The following KNL1 variants were observed in gnomAD, a reference collection of about 807,000 sequenced individuals.
KNL1 encodes outer kinetochore KNL1 complex subunit KNL1.
KNL1 carries 66 observed loss-of-function variants against 201.3 expected under a neutral mutation model. The ratio of observed to expected loss-of-function variants is 0.33; its 90% confidence interval spans 0.27 to 0.40. The LOEUF is 0.40. KNL1 is among the 10% of genes least tolerant of loss of function. KNL1 has a pLI of 1.00. For missense variants in KNL1, 2,815 were observed against 2,690.5 expected, an observed-to-expected ratio of 1.05 and a Z score of -1.02; for synonymous variants, 895 against 899.2, an observed-to-expected ratio of 1.00 and a Z score of 0.08.
At chr15:40,628,844 T>G (rs1364702053) in intron 12 of KNL1, among the ~76,000 whole-genome samples, 166 bp downstream of exon 12, 1 of 152,090 alleles carries the variant, frequency 6.6e-6, no homozygotes, top group African/African-American at 2.4e-5. Context: ...ACATAACAAT[T>G]AATTAAATGG....
At position 40,622,170 on chromosome 15, in the gene KNL1, G is replaced by T; in HGVS notation, c.1906G>T (p.Asp636Tyr). 4 of 1,614,064 alleles carry T rather than the reference G, an allele frequency of 2.5e-6. No homozygotes were observed. Among genetic ancestry groups the T allele is most frequent in the Non-Finnish European group, 3.4e-6 (4 of 1,179,964 alleles). The stretch of plus-strand genomic sequence containing the variant: ...CATAATAGCCAAAAACAGCTTAACC[G>T]ACACCTGGAACAAAGACAAAGATTG... The part of the protein sequence containing the change: ...SDIIAKNSLT[D>Y]TWNKDKDWVL... Residue 636 changes from aspartate to tyrosine, a missense_variant, in exon 10 of 26, where the codon GAC becomes TAC. Transcript: ENST00000399668.
At chr15:40,611,015 T>C in intron 6 of KNL1, 1 of 313,614 alleles carries the variant, frequency 3.2e-6, no homozygotes, top group Non-Finnish European at 6.3e-6. Flanking sequence ...CTCAAAATGC[T>C]AGGATTACAG....
intron 1 of KNL1, among the ~76,000 whole-genome samples, chr15:40,599,277 C>T (rs1299727841): frequency 6.8e-6 from 1 of 146,190 alleles, no homozygotes; most frequent in Non-Finnish European, 1.5e-5. Flanking sequence ...TGCGTCACTG[C>T]ACTCCAGCCT....
chr15:40,648,032 G>T (rs1388588399), intron 17 of KNL1, among the ~76,000 whole-genome samples: 1 of 152,008 alleles, frequency 6.6e-6, no homozygotes, highest in Non-Finnish European at 1.5e-5. Flanking sequence ...CATTTTTTGA[G>T]CATATACTGC....
At chr15:40,645,226 T>C (rs1893350823) in intron 15 of KNL1, 139 bp downstream of exon 15, 1 of 545,136 alleles carries the variant, frequency 1.8e-6, no homozygotes, top group South Asian at 2.4e-5. Flanking sequence ...ACCAAGGTCT[T>C]ATTTAATTAC....
chr15:40,626,233 A>G (rs552035620), intron 10 of KNL1, among the ~76,000 whole-genome samples: 3 of 151,566 alleles, frequency 2.0e-5, no homozygotes, highest in African/African-American at 4.8e-5. Flanking sequence ...GCTCACTGCA[A>G]CCTCTGCCTT....
chr15:40,605,203 A>G (rs903812835), intron 3 of KNL1, 54 bp downstream of exon 3: 4 of 998,924 alleles, frequency 4.0e-6, no homozygotes, highest in East Asian at 2.4e-5. Flanking sequence ...AATGATAACC[A>G]TATATCACAG....
At position 40,662,208 on chromosome 15, in the gene KNL1, A is replaced by T; in HGVS notation, c.*20A>T. ...CACTAGACCCTTGGACCACCATTGG[A>T]ACAACCAAGCAGAATGTACTTGATA... On this transcript the variant is annotated 3_prime_UTR_variant, in exon 26 of 26. Coordinates refer to ENST00000399668, the MANE Select transcript of KNL1 (RefSeq NM_144508.5). 1 of 1,317,176 alleles carries T rather than the reference A, an allele frequency of 7.6e-7. No homozygotes were observed. 81.6% of individuals were successfully genotyped at this position (1,317,176 alleles called of 1,614,324 possible). A position where few individuals can be genotyped will look rare whatever the true frequency, so the allele number is the denominator to read the frequency against.
At chr15:40,627,192 G>A (rs1394287743) in intron 10 of KNL1, among the ~76,000 whole-genome samples, 1 of 152,200 alleles carries the variant, frequency 6.6e-6, no homozygotes, top group Non-Finnish European at 1.5e-5. Flanking sequence ...ACAGCGCCCA[G>A]CCCCCTTAAT....
chr15:40,624,504 A>T lies in KNL1; in HGVS notation c.4240A>T (p.Thr1414Ser). The change falls in exon 10 of 26, where the codon ACT (threonine) becomes TCT (serine). Residue 1414 changes from threonine to serine, a missense_variant. Coordinates refer to ENST00000399668, the MANE Select transcript of KNL1 (RefSeq NM_144508.5). ...ATATAGTCAAGATCTGGGGGAGATGACTAAACTTAATTCAAAGCGAGTATC... is the reference window on the plus strand; with the variant it reads ...ATATAGTCAAGATCTGGGGGAGATGTCTAAACTTAATTCAAAGCGAGTATC... ...LVYSQDLGEM[T>S]KLNSKRVSFK... 1 of 1,613,786 alleles carries T rather than the reference A, an allele frequency of 6.2e-7. No homozygotes were observed. Among genetic ancestry groups the T allele is most frequent in the Non-Finnish European group, 8.5e-7 (1 of 1,179,884 alleles).
chr15:40,606,905 A>G (rs932807066), intron 4 of KNL1, among the ~76,000 whole-genome samples: 1 of 152,166 alleles, frequency 6.6e-6, no homozygotes, highest in African/African-American at 2.4e-5. Context: ...GCCTACAGGA[A>G]CATGCCACCA....
At chr15:40,659,859 A>G (rs1234137968) in intron 25 of KNL1, among the ~76,000 whole-genome samples, 1 of 149,712 alleles carries the variant, frequency 6.7e-6, no homozygotes, top group African/African-American at 2.5e-5. Flanking sequence ...GTGAGAGCTA[A>G]ACTTCAGTTC....
At chr15:40,606,644 G>A (rs1358347159) in intron 4 of KNL1, among the ~76,000 whole-genome samples, 192 bp downstream of exon 4, 1 of 152,108 alleles carries the variant, frequency 6.6e-6, no homozygotes, top group African/African-American at 2.4e-5. Flanking sequence ...TCTTACCCAG[G>A]TTGGAGTGTA....
rs1290787612 is a variant in KNL1, at chr15:40,625,071, A to G, written c.4807A>G (p.Thr1603Ala). 2 of 1,613,692 alleles carry G rather than the reference A, an allele frequency of 1.2e-6. No individual in the cohort carries two copies. Among genetic ancestry groups the G allele is most frequent in the Non-Finnish European group, 8.5e-7 (1 of 1,179,790 alleles). Residue 1603 changes from threonine to alanine, a missense_variant, in exon 10 of 26, where the codon ACA becomes GCA. Thr to Ala is a moderately conservative substitution (Grantham distance 58, BLOSUM62 0). Coordinates refer to ENST00000399668, the MANE Select transcript of KNL1 (RefSeq NM_144508.5). ...CAATGATATGCATATAGTGCAAGCT[A>G]CAGAAATACATAATATTAACATAAT... Reference protein sequence around the residue: ...AHNDMHIVQATEIHNINIISS... With the variant: ...AHNDMHIVQAAEIHNINIISS...
Position 40,620,741 on chromosome 15 carries a change from A to G in KNL1, c.477A>G (p.Val159=). 1 of 1,612,910 alleles carries G rather than the reference A, an allele frequency of 6.2e-7. No homozygotes were observed. Among genetic ancestry groups the G allele is most frequent in the Non-Finnish European group, 8.5e-7 (1 of 1,179,284 alleles). The change falls in exon 10 of 26, where the codon GTA becomes GTG. Residue 159 remains valine (V), a synonymous_variant. Transcript: ENST00000399668. ...TGGACCTGACATCAAGTCACACTGT[A>G]ATGATTACCAAAGGCCTTTTAGATA... ...NQMDLTSSHT[V]MITKGLLDNP...
Position 40,623,565 on chromosome 15 carries a change from G to T in KNL1, c.3301G>T (p.Ala1101Ser). Residue 1101 changes from alanine to serine, a missense_variant, in exon 10 of 26, where the codon GCC becomes TCC. Coordinates refer to ENST00000399668, the MANE Select transcript of KNL1 (RefSeq NM_144508.5). The part of the protein sequence containing the change: ...SCMVEIDNES[A>S]LEDKEDFHLA... The stretch of plus-strand genomic sequence containing the variant: ...TATGGTGGAAATAGATAACGAAAGT[G>T]CCCTGGAGGATAAAGAGGACTTCCA... The T allele has an allele frequency of 1.9e-6, 3 of 1,613,676 alleles. No individual in the cohort carries two copies. Among genetic ancestry groups the T allele is most frequent in the Non-Finnish European group, 2.5e-6 (3 of 1,179,920 alleles).
chr15:40,608,475 G>A (rs560286698), intron 4 of KNL1, among the ~76,000 whole-genome samples: 1 of 151,170 alleles, frequency 6.6e-6, no homozygotes, highest in Non-Finnish European at 1.5e-5. Flanking sequence ...GGGTGCAGGG[G>A]CCCATGGCTA....
chr15:40,634,804 G>T (rs965250715), intron 13 of KNL1, among the ~76,000 whole-genome samples: 1 of 152,098 alleles, frequency 6.6e-6, no homozygotes, highest in Non-Finnish European at 1.5e-5. Flanking sequence ...AGGAGGGAGA[G>T]GATGCTTTAG....
At chr15:40,605,852 C>T (rs755153072) in intron 3 of KNL1, among the ~76,000 whole-genome samples, 2 of 152,202 alleles carry the variant, frequency 1.3e-5, no homozygotes, top group Non-Finnish European at 2.9e-5. Flanking sequence ...AACCATGACA[C>T]CAGTACTAGG....
Sources: allele counts gnomAD v4.1 joint callset (sites outside exome capture counted in the v4.1 genomes callset), GRCh38; gene constraint gnomAD v4.1.1; transcripts MANE v1.5; gene names NCBI Gene and HGNC (gene_info 2026-07-23, HGNC 2026-07-21).